The following RAB11FIP3 variants were observed in gnomAD, a reference collection of about 807,000 sequenced individuals.
RAB11FIP3 encodes the protein rab11 family-interacting protein 3.
RAB11FIP3 carries 17 observed loss-of-function variants against 77.8 expected under a neutral mutation model. That is an observed-to-expected ratio of 0.22 (90% CI 0.15 to 0.33). The LOEUF (loss-of-function observed/expected upper bound fraction) is 0.33. Ranked by LOEUF, RAB11FIP3 falls within the 10% of genes least tolerant of loss-of-function variation. The pLI is 1.00. For missense variants in RAB11FIP3, 1,005 were observed against 1,011.2 expected (o/e 0.99, Z 0.08); for synonymous variants, 437 against 448.2 (o/e 0.98, Z 0.31).
chr16:483,354 A>G (rs1303036548), intron 4 of RAB11FIP3, among the ~76,000 whole-genome samples: 1 of 152,148 alleles, frequency 6.6e-6, no homozygotes, highest in Non-Finnish European at 1.5e-5. Flanking sequence ...TGCTCAGTCA[A>G]CCTGAAAATG....
rs761319817 is a variant in RAB11FIP3 at position 455,472 on chromosome 16, C to CA, written c.715-5916dup. Among the ~76,000 whole-genome samples the CA allele has an allele frequency of 4.9e-3, 552 of 113,262 alleles. 1 individual carries two copies. Among genetic ancestry groups the CA allele is most frequent in the South Asian group, 8.3e-3 (29 of 3,512 alleles). 74.3% of individuals were successfully genotyped at this position (113,262 alleles called of 152,430 possible). ...CTGGGTAACAGAGGCGACTCTGTCT[C>CA]AAAAAAAAAAAAAAAAGAATTGAGA... is the stretch of plus-strand genomic sequence containing the variant. On this transcript the variant is annotated intron_variant, in intron 1 of 13. Coordinates refer to ENST00000262305, the MANE Select transcript of RAB11FIP3 (RefSeq NM_014700.4).
intron 1 of RAB11FIP3, among the ~76,000 whole-genome samples, chr16:438,931 G>A (rs775892943): frequency 3.9e-5 from 6 of 152,078 alleles, no homozygotes; most frequent in African/African-American, 9.7e-5. Flanking sequence ...CTTGTGATCC[G>A]CCCGCCTTGG....
At chr16:451,958 G>C (rs1409233946) in intron 1 of RAB11FIP3, among the ~76,000 whole-genome samples, 1 of 152,184 alleles carries the variant, frequency 6.6e-6, no homozygotes, top group Non-Finnish European at 1.5e-5. Context: ...AGACCAGCCT[G>C]GCTAAGATAG....
At position 521,856 on chromosome 16, in the gene RAB11FIP3, A is replaced by C. The variant is rs2032707007; in HGVS notation, c.*1017A>C. 1 of 152,242 alleles carries C rather than the reference A, an allele frequency of 6.6e-6. No homozygotes were observed. Among genetic ancestry groups the C allele is most frequent in the Non-Finnish European group, 1.5e-5 (1 of 68,070 alleles). 9.4% of individuals were successfully genotyped at this position (152,242 alleles called of 1,614,324 possible). A position where few individuals can be genotyped will look rare whatever the true frequency, so the allele number is the denominator to read the frequency against. On this transcript the variant is annotated 3_prime_UTR_variant, in exon 14 of 14. Coordinates refer to ENST00000262305, the MANE Select transcript of RAB11FIP3 (RefSeq NM_014700.4). ...GTTCTTCCCCGAGGGTGCATGTTGC[A>C]GGAGGGAGAGGGCAGGGAAGACTCA...
chr16:518,948 A>G lies in RAB11FIP3; in HGVS notation c.1646A>G (p.Gln549Arg), dbSNP rs375152901. 1.2e-6 allele frequency: 2 copies of G among 1,613,566 alleles called. No individual in the cohort carries two copies. Among genetic ancestry groups the G allele is most frequent in the East Asian group, 2.2e-5 (1 of 44,888 alleles). The change falls in exon 10 of 14, where the codon CAG (glutamine) becomes CGG (arginine). Residue 549 changes from glutamine to arginine, a missense_variant. Physicochemically the swap from Gln to Arg is conservative, Grantham distance 43. Transcript: ENST00000262305. ...IEIENLQTRL[Q>R]QLDEENSELR... Reference sequence around the variant, plus strand: ...GCTTTGTTCTTGTGTCCCAGGCTACAGCAACTGGACGAGGAGAACAGTGAA... The same window carrying G: ...GCTTTGTTCTTGTGTCCCAGGCTACGGCAACTGGACGAGGAGAACAGTGAA...
intron 4 of RAB11FIP3, among the ~76,000 whole-genome samples, chr16:488,548 A>G (rs1182958832): frequency 6.6e-6 from 1 of 151,890 alleles, no homozygotes; most frequent in East Asian, 1.9e-4. Flanking sequence ...ACCTGGGACT[A>G]CAGTCGTGCG....
chr16:450,600 C>T (rs1366311728), intron 1 of RAB11FIP3, among the ~76,000 whole-genome samples: 2 of 152,148 alleles, frequency 1.3e-5, no homozygotes, highest in African/African-American at 4.8e-5. Context: ...GACACTGCAG[C>T]GGCTAGCAGG....
chr16:508,907 C>CT lies in RAB11FIP3; in HGVS notation c.1500-1739dup, dbSNP rs541232742. Among the ~76,000 whole-genome samples the CT allele has an allele frequency of 8.9e-3, 1,269 of 142,026 alleles. 13 individuals carry two copies. The highest frequency in any genetic ancestry group is 0.038 in the Middle Eastern group (11 of 286). The allele number at this position is 142,026 out of a possible 152,430, so 93.2% of individuals were successfully genotyped here. On this transcript the variant is annotated intron_variant, in intron 8 of 13. Coordinates refer to ENST00000262305, the MANE Select transcript of RAB11FIP3 (RefSeq NM_014700.4). The stretch of plus-strand genomic sequence containing the variant: ...TTTCTCCTTCAACTCTTGATCAGAT[C>CT]TTTTTTTTTTTTTTGAGACAGAGTC...
intron 3 of RAB11FIP3, chr16:477,672 G>A: frequency 1.0e-6 from 1 of 985,460 alleles, no homozygotes; most frequent in East Asian, 1.1e-4. Context: ...TAGCACGAGA[G>A]CTGGGGTTTC....
chr16:466,104 G>A (rs142460652), intron 2 of RAB11FIP3, among the ~76,000 whole-genome samples: 405 of 152,244 alleles, frequency 2.7e-3, no homozygotes, highest in African/African-American at 5.4e-3. Flanking sequence ...TGCTGGTCTC[G>A]GCTTGTCATA....
In RAB11FIP3 at chr16:461,480, C is replaced by T. The variant is rs1310893462; in HGVS notation, c.791C>T (p.Thr264Ile). The T allele has an allele frequency of 1.2e-6, 2 of 1,613,794 alleles. No individual in the cohort carries two copies. Among genetic ancestry groups the T allele is most frequent in the Non-Finnish European group, 1.7e-6 (2 of 1,179,932 alleles). ...TTTGAAGACTTCTACCAAGGGATCA[C>T]AGCCATCAGAAACGGAGGTCAGTCA... is the stretch of plus-strand genomic sequence containing the variant. ...ISFEDFYQGI[T>I]AIRNGDPDGQ... The change falls in exon 2 of 14, where the codon ACA becomes ATA. Residue 264 changes from threonine to isoleucine, a missense_variant. Physicochemically the swap from Thr to Ile is moderately conservative, Grantham distance 89. Around this residue, in one of 4 missense-constraint regions of RAB11FIP3, gnomAD observed 466 missense variants for 408.3 expected, o/e 1.14. Coordinates refer to ENST00000262305, the MANE Select transcript of RAB11FIP3 (RefSeq NM_014700.4). The surrounding 1 kb of genome is among the most constrained non-coding windows in gnomAD (Gnocchi z 4.5).
intron 1 of RAB11FIP3, among the ~76,000 whole-genome samples, chr16:429,341 T>A (rs921699549): frequency 3.3e-5 from 5 of 152,214 alleles, no homozygotes; most frequent in African/African-American, 4.8e-5. Flanking sequence ...ATGATTTTTT[T>A]AAAAACGCTA....
In RAB11FIP3 at chr16:520,466, G is replaced by A. The variant is rs141238867; in HGVS notation, c.2024G>A (p.Arg675His). The A allele has an allele frequency of 7.5e-4, 1,209 of 1,613,408 alleles. 2 individuals carry two copies. The African/African-American group carries it at 0.013, about 17-fold the overall frequency. Reference sequence around the variant, plus strand: ...ATGTTGCTGTGCCTTCAGGACAACCGCAACCTGAAGGAGCAGAACGAGGAG... The same window carrying A: ...ATGTTGCTGTGCCTTCAGGACAACCACAACCTGAAGGAGCAGAACGAGGAG... ...QEVRRLKQDN[R>H]NLKEQNEELN... Residue 675 changes from arginine to histidine, a missense_variant, in exon 13 of 14, where the codon CGC (arginine) becomes CAC (histidine). By Grantham distance (29) the Arg-to-His change is conservative. Around this residue, in one of 4 missense-constraint regions of RAB11FIP3, gnomAD observed 90 missense variants for 129.7 expected, o/e 0.69. Transcript: ENST00000262305.
intron 6 of RAB11FIP3, among the ~76,000 whole-genome samples, chr16:501,456 G>A (rs562564545): frequency 2.4e-4 from 35 of 145,902 alleles, no homozygotes; most frequent in Non-Finnish European, 4.3e-4. Flanking sequence ...GAAGCTCGGA[G>A]AGGATCCCCC....
rs1477995507 is a variant in RAB11FIP3 at position 521,779 on chromosome 16, CA to C, written c.*943del. The C allele has an allele frequency of 6.6e-6, 1 of 152,302 alleles. No homozygotes were observed. The highest frequency in any genetic ancestry group is 2.4e-5 in the African/African-American group (1 of 41,466). The allele number at this position is 152,302 out of a possible 1,614,324, so 9.4% of individuals were successfully genotyped here. ...CCCACGCACTTCCCAGGCCAGAATCCAAACATCGGGAACCCTGTTTTCTTCT... is the reference window on the plus strand; with the variant it reads ...CCCACGCACTTCCCAGGCCAGAATCCAACATCGGGAACCCTGTTTTCTTCT... On this transcript the variant is annotated 3_prime_UTR_variant, in exon 14 of 14. Transcript: ENST00000262305.
At chr16:484,954 A>G (rs8044341) in intron 4 of RAB11FIP3, among the ~76,000 whole-genome samples, 94,873 of 151,860 alleles carry the variant, frequency 0.62, 30,093 homozygotes, top group African/African-American at 0.74. Flanking sequence ...GCATGTGGCC[A>G]TGTCTGCTCT....
chr16:444,062 G>A (rs1256706289), intron 1 of RAB11FIP3, among the ~76,000 whole-genome samples: 3 of 152,166 alleles, frequency 2.0e-5, no homozygotes, highest in Admixed American at 6.6e-5. Flanking sequence ...TCTGTGTTGT[G>A]GTGTGGGTGT....
rs114318943 is a variant in RAB11FIP3 at position 462,595 on chromosome 16, C to T, written c.808+1098C>T. Among the ~76,000 whole-genome samples the T allele has an allele frequency of 1.1e-3, 167 of 149,570 alleles. 1 individual carries two copies. The highest frequency in any genetic ancestry group is 4.0e-3 in the African/African-American group (164 of 40,566). ...TCTCACTTGGCTTCTTTCCTCAGCA[C>T]GATCCCTTCCCCAGCACGATCCCTT... On this transcript the variant is annotated intron_variant, in intron 2 of 13. Transcript: ENST00000262305.
At chr16:513,180 G>C (rs2141891611) in intron 9 of RAB11FIP3, among the ~76,000 whole-genome samples, 1 of 152,300 alleles carries the variant, frequency 6.6e-6, no homozygotes, top group African/African-American at 2.4e-5. Flanking sequence ...GTGTGTCTGG[G>C]TAGTGAGGGT....
Sources: gnomAD v4.1 joint callset for allele counts (sites outside exome capture counted in the v4.1 genomes callset) on GRCh38, gnomAD v4.1.1 for gene constraint, gnomAD v4.1.1 regional missense constraint, Gnocchi (gnomAD v3.1) non-coding constraint, MANE v1.5 for transcripts, NCBI Gene and HGNC (gene_info 2026-07-23, HGNC 2026-07-21) for gene names.